Variants in OSBPL7 observed in about 807,000 individuals in gnomAD.
OSBPL7 encodes oxysterol-binding protein-related protein 7.
Under a neutral mutation model 115.8 loss-of-function variants are expected in OSBPL7, and 66 were observed. The observed-to-expected ratio is 0.57, with a 90% CI of 0.47 to 0.70. The LOEUF (loss-of-function observed/expected upper bound fraction) is 0.70. OSBPL7 is among the 30% of genes least tolerant of loss of function. OSBPL7 has a pLI of 0.00. For synonymous variants in OSBPL7, 441 were observed against 439.2 expected (o/e 1.00, Z -0.05); for missense variants, 902 against 1,125.5 (o/e 0.80, Z 2.84).
At position 47,818,629 on chromosome 17, in the gene OSBPL7, T is replaced by C. The variant is rs1448808237; in HGVS notation, c.370-13A>G. On this transcript the variant is annotated splice_polypyrimidine_tract_variant and intron_variant, in intron 5 of 22. Transcript: ENST00000007414. ...CCTGGGATTTGATCTGCAGAAGTGA[T>C]GGAGAGGGGGAGGGCTATCTGAAGA... 6.2e-7 allele frequency: 1 copy of C among 1,606,832 alleles called. No individual in the cohort carries two copies. The highest frequency in any genetic ancestry group is 8.5e-7 in the Non-Finnish European group (1 of 1,175,878).
chr17:47,821,217 T>C (rs1450175248), intron 1 of OSBPL7, among the ~76,000 whole-genome samples: 1 of 151,840 alleles, frequency 6.6e-6, no homozygotes, highest in Non-Finnish European at 1.5e-5. Flanking sequence ...AGGCTCTGCA[T>C]GTGTGAGACG....
chr17:47,815,434 C>T, intron 12 of OSBPL7, 82 bp from the exon 13 acceptor site: 3 of 1,567,520 alleles, frequency 1.9e-6, no homozygotes, highest in South Asian at 1.1e-5. Context: ...CTGACAGTTC[C>T]CTTGAGAGGG....
chr17:47,819,847 A>C, intron 3 of OSBPL7, 65 bp from the exon 4 acceptor site: 1 of 1,611,084 alleles, frequency 6.2e-7, no homozygotes, highest in Non-Finnish European at 8.5e-7. Flanking sequence ...GGGAGAAGGC[A>C]ACCACACAAA....
chr17:47,816,268 T>C lies in OSBPL7; in HGVS notation c.1024-66A>G. On this transcript the variant is annotated intron_variant, in intron 11 of 22. Coordinates refer to ENST00000007414, the MANE Select transcript of OSBPL7 (RefSeq NM_145798.3). The surrounding 1 kb of genome is among the most constrained non-coding windows in gnomAD (Gnocchi z 5.8). Reference sequence around the variant, plus strand: ...GGTCCTCCCCACCTTGCCGCATCTCTGCAGAGACTGCCTCTGCCAACCCCC... The same window carrying C: ...GGTCCTCCCCACCTTGCCGCATCTCCGCAGAGACTGCCTCTGCCAACCCCC... The C allele has an allele frequency of 6.7e-7, 1 of 1,501,878 alleles. No homozygotes were observed. 93.0% of individuals were successfully genotyped at this position (1,501,878 alleles called of 1,614,324 possible).
At chr17:47,814,491 C>T in intron 14 of OSBPL7, 30 bp downstream of exon 14, 2 of 1,334,182 alleles carry the variant, frequency 1.5e-6, no homozygotes, top group South Asian at 1.2e-5. Context: ...CCGCCTCCCA[C>T]CCCTCCCTGC....
At position 47,810,761 on chromosome 17, in the gene OSBPL7, C is replaced by G; in HGVS notation, c.1801+11G>C. ...CCCAGGGCCACCCCGGCCCTGCCCTCTACTCCTCACCTTGCCAGAAGGCGA... is the reference window on the plus strand; with the variant it reads ...CCCAGGGCCACCCCGGCCCTGCCCTGTACTCCTCACCTTGCCAGAAGGCGA... On this transcript the variant is annotated intron_variant, in intron 17 of 22. Transcript: ENST00000007414. 1.2e-6 allele frequency: 2 copies of G among 1,613,984 alleles called. No homozygotes were observed. Among genetic ancestry groups the G allele is most frequent in the Non-Finnish European group, 1.7e-6 (2 of 1,179,932 alleles).
chr17:47,813,891 C>A (rs1046557118), intron 14 of OSBPL7, 57 bp from the exon 15 acceptor site: 181 of 1,541,612 alleles, frequency 1.2e-4, no homozygotes, highest in Non-Finnish European at 1.5e-4. Flanking sequence ...CCAGACATGG[C>A]AAGCCCACAG....
intron 1 of OSBPL7, among the ~76,000 whole-genome samples, chr17:47,821,411 C>G (rs1217347863): frequency 6.6e-6 from 1 of 152,194 alleles, no homozygotes; most frequent in Non-Finnish European, 1.5e-5. Context: ...GAGGAAACTC[C>G]TGCATTCAGC....
At chr17:47,818,003 C>T (rs1311588042) in intron 7 of OSBPL7, among the ~76,000 whole-genome samples, 1 of 152,212 alleles carries the variant, frequency 6.6e-6, no homozygotes, top group Non-Finnish European at 1.5e-5. Context: ...TCCTCAGGCC[C>T]CTGCCCTGTG....
At chr17:47,814,302 G>C (rs1193005010) in intron 14 of OSBPL7, among the ~76,000 whole-genome samples, 1 of 152,192 alleles carries the variant, frequency 6.6e-6, no homozygotes, top group Non-Finnish European at 1.5e-5. Context: ...TGCAACAGAG[G>C]CCAGCCCCAA....
chr17:47,817,232 C>T, intron 8 of OSBPL7, 24 bp downstream of exon 8: 2 of 1,555,974 alleles, frequency 1.3e-6, no homozygotes, highest in East Asian at 2.2e-5. Context: ...TGAGCAGGAC[C>T]CTGTGTGTAC....
In OSBPL7 at chr17:47,816,290, C is replaced by A; in HGVS notation, c.1024-88G>T. The stretch of plus-strand genomic sequence containing the variant: ...CTCTGCAGAGACTGCCTCTGCCAAC[C>A]CCCCACCCTGACCCAGATCTGCTAT... On this transcript the variant is annotated intron_variant, in intron 11 of 22. Coordinates refer to ENST00000007414, the MANE Select transcript of OSBPL7 (RefSeq NM_145798.3). This position sits in a 1 kb window ranked among gnomAD's most constrained non-coding sequence, Gnocchi z 5.8. 2.0e-6 allele frequency: 3 copies of A among 1,494,908 alleles called. No homozygotes were observed. The highest frequency in any genetic ancestry group is 1.8e-6 in the Non-Finnish European group (2 of 1,109,536). The allele number at this position is 1,494,908 out of a possible 1,614,324, so 92.6% of individuals were successfully genotyped here. A position where few individuals can be genotyped will look rare whatever the true frequency, so the allele number is the denominator to read the frequency against.
Position 47,815,337 on chromosome 17 carries a change from T to C in OSBPL7, c.1135A>G (p.Met379Val), listed in dbSNP as rs777049876. Residue 379 changes from methionine (M) to valine (V), a missense_variant, in exon 13 of 23, where the codon ATG (methionine) becomes GTG (valine). Met to Val is a conservative substitution (Grantham distance 21). Coordinates refer to ENST00000007414, the MANE Select transcript of OSBPL7 (RefSeq NM_145798.3). ...TGGGGGGTGAGCTCGCGCCCCTTCA[T>C]GTACAGAGCTTCTTGCTGTGGGAGC... ...LNPEEQEALY[M>V]KGRELTPQLS... is the part of the protein sequence containing the mutation. The C allele has an allele frequency of 2.1e-5, 34 of 1,613,606 alleles. No individual in the cohort carries two copies. Among genetic ancestry groups the C allele is most frequent in the Non-Finnish European group, 2.8e-5 (33 of 1,179,938 alleles).
Position 47,819,736 on chromosome 17 carries a change from C to T in OSBPL7, c.248G>A (p.Arg83Gln), listed in dbSNP as rs1404551958. 29 of 1,614,070 alleles carry T rather than the reference C, an allele frequency of 1.8e-5. No individual in the cohort carries two copies. The highest frequency in any genetic ancestry group is 3.3e-4 in the Middle Eastern group (2 of 6,060). ...EDGILHYATT[R>Q]QDITKGKLHG... Reference sequence around the variant, plus strand: ...GCCACTGCCCGGGCTCACGTCTTGCCGGGTTGTTGCATAATGAAGGATCCC... The same window carrying T: ...GCCACTGCCCGGGCTCACGTCTTGCTGGGTTGTTGCATAATGAAGGATCCC... The change falls in exon 4 of 23, where the codon CGG becomes CAG. Residue 83 changes from arginine to glutamine, a missense_variant. Arg to Gln is a conservative substitution (Grantham distance 43). Around this residue, in one of 3 missense-constraint regions of OSBPL7, gnomAD observed 667 missense variants for 788.7 expected, o/e 0.85. Transcript: ENST00000007414.
chr17:47,808,316 T>G lies in OSBPL7; in HGVS notation c.2504A>C (p.Asn835Thr). 6.2e-7 allele frequency: 1 copy of G among 1,613,652 alleles called. No homozygotes were observed. The highest frequency in any genetic ancestry group is 1.1e-5 in the South Asian group (1 of 91,074). ...WRLRAEPGYG[N>T]MDGAVLW Reference sequence around the variant, plus strand: ...CTACCAGAGCACGGCCCCATCCATGTTCCCATAGCCTGGCTCGGCCCGCAG... The same window carrying G: ...CTACCAGAGCACGGCCCCATCCATGGTCCCATAGCCTGGCTCGGCCCGCAG... Residue 835 changes from asparagine (N) to threonine (T), a missense_variant, in exon 23 of 23, where the codon AAC becomes ACC. Physicochemically the swap from Asn to Thr is moderately conservative, Grantham distance 65. Around this residue, in one of 3 missense-constraint regions of OSBPL7, gnomAD observed 230 missense variants for 312.7 expected, o/e 0.74. Transcript: ENST00000007414. The surrounding 1 kb of genome is among the most constrained non-coding windows in gnomAD (Gnocchi z 6.1).
Position 47,810,687 on chromosome 17 carries a change from G to A in OSBPL7, c.1802-15C>T, listed in dbSNP as rs1353654967. Reference sequence around the variant, plus strand: ...CCACTTCATATCTGGAATTGGATTAGGGGAGGGAGAGTGAACAACAGAGAT... The same window carrying A: ...CCACTTCATATCTGGAATTGGATTAAGGGAGGGAGAGTGAACAACAGAGAT... On this transcript the variant is annotated splice_polypyrimidine_tract_variant and intron_variant, in intron 17 of 22. Coordinates refer to ENST00000007414, the MANE Select transcript of OSBPL7 (RefSeq NM_145798.3). 1.2e-6 allele frequency: 2 copies of A among 1,613,520 alleles called. No individual in the cohort carries two copies. The highest frequency in any genetic ancestry group is 2.7e-5 in the African/African-American group (2 of 74,914).
In OSBPL7 at chr17:47,820,352, C is replaced by T. The variant is rs1047290688; in HGVS notation, c.-74G>A. 2.1e-6 allele frequency: 3 copies of T among 1,442,868 alleles called. No individual in the cohort carries two copies. The highest frequency in any genetic ancestry group is 2.8e-5 in the African/African-American group (2 of 70,766). 89.4% of individuals were successfully genotyped at this position (1,442,868 alleles called of 1,614,324 possible). On this transcript the variant is annotated 5_prime_UTR_variant, in exon 2 of 23. Transcript: ENST00000007414. ...GGTGGAAGGGGAAGGATGTCACCTG[C>T]TCCTGACGGGGTCCTTGAAGCAAGA...
chr17:47,813,768 G>C lies in OSBPL7; in HGVS notation c.1418C>G (p.Pro473Arg). 2.5e-6 allele frequency: 4 copies of C among 1,613,106 alleles called. No homozygotes were observed. Among genetic ancestry groups the C allele is most frequent in the Non-Finnish European group, 3.4e-6 (4 of 1,179,908 alleles). ...GTTCCACAGGCTCACGTCAGCCCCA[G>C]GCCCGCTGGCCGCCGGCAGGCAGCG... ...RRRCLPAASG[P>R]GADVSLWNIL... The change falls in exon 15 of 23, where the codon CCT becomes CGT. Residue 473 changes from proline (P) to arginine (R), a missense_variant. Transcript: ENST00000007414.
chr17:47,814,835 C>A (rs944553006), intron 13 of OSBPL7: 2 of 572,932 alleles, frequency 3.5e-6, no homozygotes, highest in Non-Finnish European at 6.2e-6. Context: ...CTGTGGCTGG[C>A]GGGAAAAAGC....
Sources: allele counts gnomAD v4.1 joint callset (sites outside exome capture counted in the v4.1 genomes callset), GRCh38; gene constraint gnomAD v4.1.1; regional missense constraint gnomAD v4.1.1; non-coding constraint Gnocchi (gnomAD v3.1); transcripts MANE v1.5; gene names NCBI Gene and HGNC (gene_info 2026-07-23, HGNC 2026-07-21).